The following DCDC1 variants were observed in gnomAD, a reference collection of about 807,000 sequenced individuals.
DCDC1 encodes doublecortin domain containing 1, also known as doublecortin domain-containing protein 1.
In DCDC1, 200 loss-of-function variants were observed where a neutral mutation model predicts 178.3. The observed-to-expected ratio is 1.12, with a 90% CI of 1.00 to 1.26. The LOEUF is 1.26. DCDC1 is among the 50% of genes most tolerant of loss of function. The pLI is 0.00. For synonymous variants in DCDC1, 690 were observed against 604.8 expected (o/e 1.14, Z -2.07); for missense variants, 1,983 against 1,749.2 (o/e 1.13, Z -2.38).
chr11:31,183,120 C>T (rs755173554), intron 9 of DCDC1, among the ~76,000 whole-genome samples: 10 of 152,108 alleles, frequency 6.6e-5, no homozygotes, highest in East Asian at 1.9e-4. Context: ...TAGAGATCTA[C>T]GAAGAGACTT....
intron 1 of DCDC1, among the ~76,000 whole-genome samples, chr11:31,366,088 G>A (rs536658967): frequency 1.3e-5 from 2 of 151,978 alleles, no homozygotes; most frequent in Non-Finnish European, 2.9e-5. Flanking sequence ...ACAAATCTAT[G>A]AGGGAAATAC....
At chr11:31,324,354 A>T (rs1390407536) in intron 3 of DCDC1, among the ~76,000 whole-genome samples, 1 of 152,102 alleles carries the variant, frequency 6.6e-6, no homozygotes, top group Non-Finnish European at 1.5e-5. Context: ...ATACAGGAAT[A>T]AAAATAAGGC....
chr11:31,359,563 A>C (rs552970956), intron 1 of DCDC1, among the ~76,000 whole-genome samples: 1 of 152,310 alleles, frequency 6.6e-6, no homozygotes, highest in South Asian at 2.1e-4. Flanking sequence ...GTGCACATGT[A>C]CCCTAAAACT....
At chr11:31,223,212 T>G (rs1190714021) in intron 9 of DCDC1, among the ~76,000 whole-genome samples, 1 of 152,136 alleles carries the variant, frequency 6.6e-6, no homozygotes, top group East Asian at 1.9e-4. Context: ...GTAATTATAT[T>G]ACAATAGGAG....
chr11:31,272,399 G>A (rs2225364), intron 7 of DCDC1, among the ~76,000 whole-genome samples: 105,030 of 152,012 alleles, frequency 0.69, 37,298 homozygotes, highest in East Asian at 0.95. Context: ...ATGCCTTCCC[G>A]ACAGTCCCTC....
intron 17 of DCDC1, among the ~76,000 whole-genome samples, chr11:31,078,185 T>G (rs1333148437): frequency 2.6e-5 from 4 of 152,102 alleles, no homozygotes; most frequent in Non-Finnish European, 2.9e-5. Flanking sequence ...GATCAAAAGT[T>G]TTAGAGAACA....
rs1268841202 is a variant in DCDC1 at position 31,126,767 on chromosome 11, AC to A, written c.1485+701del. On this transcript the variant is annotated intron_variant, in intron 11 of 38. Transcript: ENST00000684477. ...GATATGAAATTATAGGACAATATTA[AC>A]TTGACAAACTTAACATGGAATATCT... Among the ~76,000 whole-genome samples, 3 of 152,222 alleles carry A rather than the reference AC, an allele frequency of 2.0e-5. No homozygotes were observed. The East Asian group carries it at 5.8e-4, about 29-fold the overall frequency.
At chr11:31,195,976 C>T (rs1351141794) in intron 9 of DCDC1, among the ~76,000 whole-genome samples, 2 of 151,816 alleles carry the variant, frequency 1.3e-5, no homozygotes, top group Admixed American at 6.6e-5. Flanking sequence ...AAATTAATTC[C>T]TCCTTGTTAC....
At chr11:31,329,767 C>T (rs1014913812) in intron 2 of DCDC1, among the ~76,000 whole-genome samples, 3 of 152,126 alleles carry the variant, frequency 2.0e-5, no homozygotes, top group African/African-American at 4.8e-5. Flanking sequence ...CCATGGTGTA[C>T]ATGTGCCACA....
At chr11:31,199,750 A>T (rs189836814) in intron 9 of DCDC1, among the ~76,000 whole-genome samples, 6 of 152,226 alleles carry the variant, frequency 3.9e-5, no homozygotes, top group African/African-American at 9.6e-5. Flanking sequence ...CAGAATTCAC[A>T]TACTTTGTGT....
chr11:31,067,499 A>G lies in DCDC1; in HGVS notation c.2299-2346T>C, dbSNP rs151204248. Among the ~76,000 whole-genome samples, 189 of 152,272 alleles carry G rather than the reference A, an allele frequency of 1.2e-3. 1 individual carries two copies. Among genetic ancestry groups the G allele is most frequent in the African/African-American group, 4.4e-3 (184 of 41,558 alleles). Reference sequence around the variant, plus strand: ...AGCTTGGCTAGTCCTCAAAATGTTAAATGTGGACTTTTCATACGGCCCAGC... The same window carrying G: ...AGCTTGGCTAGTCCTCAAAATGTTAGATGTGGACTTTTCATACGGCCCAGC... On this transcript the variant is annotated intron_variant, in intron 18 of 38. Coordinates refer to ENST00000684477, the MANE Select transcript of DCDC1 (RefSeq NM_001387274.1).
intron 36 of DCDC1, chr11:30,883,219 T>G (rs1942844509): frequency 1.3e-5 from 2 of 159,298 alleles, no homozygotes; most frequent in South Asian, 3.3e-4. Flanking sequence ...GAGAGCTGAA[T>G]GACAAGAGGA....
Position 30,906,628 on chromosome 11 carries a change from A to C in DCDC1, c.4016T>G (p.Leu1339Arg). 1 of 1,613,642 alleles carries C rather than the reference A, an allele frequency of 6.2e-7. No homozygotes were observed. Among genetic ancestry groups the C allele is most frequent in the Non-Finnish European group, 8.5e-7 (1 of 1,179,734 alleles). ...AATACAGAGGAATGGAACCCCTGGAAGCAATTGTTTCAGTCCTTTCTCTGT... is the reference window on the plus strand; with the variant it reads ...AATACAGAGGAATGGAACCCCTGGACGCAATTGTTTCAGTCCTTTCTCTGT... Reference protein sequence around the residue: ...MRTEKGLKQLLPGVPFLCISG... With the variant: ...MRTEKGLKQLRPGVPFLCISG... Residue 1339 changes from leucine to arginine, a missense_variant, in exon 30 of 39, where the codon CTT becomes CGT. Leu to Arg is a moderately radical substitution (Grantham distance 102, BLOSUM62 -2). Coordinates refer to ENST00000684477, the MANE Select transcript of DCDC1 (RefSeq NM_001387274.1).
chr11:30,931,983 T>A (rs767211905), intron 21 of DCDC1, 31 bp from the exon 22 acceptor site: 13 of 1,575,498 alleles, frequency 8.3e-6, no homozygotes, highest in African/African-American at 5.5e-5. Flanking sequence ...AACATAATAA[T>A]AAATACAGAA....
rs115020791 is a variant in DCDC1, at chr11:30,941,249, T to C, written c.2716-9297A>G. The stretch of plus-strand genomic sequence containing the variant: ...TTCTACCTCAGCCCATTTTACTCTA[T>C]TGTCATAATGATCCTATTTATCCTT... On this transcript the variant is annotated intron_variant, in intron 21 of 38. Transcript: ENST00000684477. Among the ~76,000 whole-genome samples the C allele has an allele frequency of 2.6e-3, 397 of 152,308 alleles. 1 individual carries two copies. The highest frequency in any genetic ancestry group is 8.7e-3 in the African/African-American group (361 of 41,574).
chr11:30,894,227 C>T (rs1279273872), intron 35 of DCDC1, 21 bp downstream of exon 35: 1 of 1,600,970 alleles, frequency 6.2e-7, no homozygotes, highest in South Asian at 1.1e-5. Flanking sequence ...TCTTTAATGT[C>T]CAGAATCCCA....
At chr11:31,128,180 T>C (rs937371219) in intron 10 of DCDC1, among the ~76,000 whole-genome samples, 5 of 152,200 alleles carry the variant, frequency 3.3e-5, no homozygotes, top group African/African-American at 1.2e-4. Context: ...CCACATTTCA[T>C]AGATACAATT....
rs570388588 is a variant in DCDC1, at chr11:31,031,778, T to C, written c.2591+32691A>G. Among the ~76,000 whole-genome samples the C allele has an allele frequency of 2.6e-5, 4 of 152,220 alleles. No individual in the cohort carries two copies. In the South Asian group the frequency reaches 8.3e-4, roughly 32 times the overall value. On this transcript the variant is annotated intron_variant, in intron 20 of 38. Coordinates refer to ENST00000684477, the MANE Select transcript of DCDC1 (RefSeq NM_001387274.1). ...TTTTCTCTCAAATAAGCATTGAACCTCAATCTATGCTGGAATAACAAACAA... is the reference window on the plus strand; with the variant it reads ...TTTTCTCTCAAATAAGCATTGAACCCCAATCTATGCTGGAATAACAAACAA...
intron 9 of DCDC1, among the ~76,000 whole-genome samples, chr11:31,148,506 T>C (rs1205694278): frequency 2.6e-5 from 4 of 151,922 alleles, no homozygotes; most frequent in African/African-American, 9.7e-5. Context: ...ACACCCTGTC[T>C]CAAAAAATAA....
Sources: gnomAD v4.1 joint callset for allele counts (sites outside exome capture counted in the v4.1 genomes callset) on GRCh38, gnomAD v4.1.1 for gene constraint, MANE v1.5 for transcripts, NCBI Gene and HGNC (gene_info 2026-07-23, HGNC 2026-07-21) for gene names.